PTPRZ1: variants seen among roughly 807,000 people sequenced by gnomAD.
PTPRZ1 encodes protein tyrosine phosphatase receptor type Z1, also known as receptor-type tyrosine-protein phosphatase zeta.
PTPRZ1 carries 82 observed loss-of-function variants against 214.1 expected under a neutral mutation model. The observed-to-expected ratio is 0.38, with a 90% CI of 0.32 to 0.46. The LOEUF is 0.46. PTPRZ1 is among the 20% of genes least tolerant of loss of function. The pLI is 1.00. For missense variants in PTPRZ1, 2,603 were observed against 2,748.7 expected, an observed-to-expected ratio of 0.95 and a Z score of 1.19; for synonymous variants, 945 against 987.9, an observed-to-expected ratio of 0.96 and a Z score of 0.81.
At chr7:121,923,840 A>G (rs1795673869) in intron 1 of PTPRZ1, among the ~76,000 whole-genome samples, 1 of 151,928 alleles carries the variant, frequency 6.6e-6, no homozygotes, top group Admixed American at 6.6e-5. Flanking sequence ...AAATAAATAT[A>G]TGTATTTTTA....
chr7:122,042,869 G>A, intron 22 of PTPRZ1, 126 bp downstream of exon 22: 1 of 1,001,900 alleles, frequency 1.0e-6, no homozygotes, highest in Non-Finnish European at 1.5e-6. Context: ...AACAACAGAA[G>A]TTTATTGTCT....
intron 6 of PTPRZ1, among the ~76,000 whole-genome samples, chr7:121,977,469 T>C (rs148560688): frequency 8.5e-4 from 130 of 152,346 alleles, no homozygotes; most frequent in Non-Finnish European, 1.7e-3. Context: ...TACTATTTTA[T>C]TTTTATTAAG....
Position 122,013,669 on chromosome 7 carries a change from A to G in PTPRZ1, c.4623A>G (p.Ala1541=). 1 of 1,614,232 alleles carries G rather than the reference A, an allele frequency of 6.2e-7. No individual in the cohort carries two copies. Among genetic ancestry groups the G allele is most frequent in the Non-Finnish European group, 8.5e-7 (1 of 1,180,032 alleles). ...TCAGCCCTGAATCTAAAGCATGGGCAGTTCTGACAAGTGATGAAGAAAGTG... is the reference window on the plus strand; with the variant it reads ...TCAGCCCTGAATCTAAAGCATGGGCGGTTCTGACAAGTGATGAAGAAAGTG... ...LPLSPESKAW[A]VLTSDEESGS... The change falls in exon 12 of 30, where the codon GCA becomes GCG. Residue 1541 remains alanine, a synonymous_variant. Coordinates refer to ENST00000393386, the MANE Select transcript of PTPRZ1 (RefSeq NM_002851.3).
chr7:121,974,145 A>G (rs1012533089), intron 4 of PTPRZ1, among the ~76,000 whole-genome samples: 23 of 152,058 alleles, frequency 1.5e-4, no homozygotes, highest in Admixed American at 9.2e-4. Context: ...TACCTCTTAA[A>G]AGACTAAAAA....
intron 27 of PTPRZ1, among the ~76,000 whole-genome samples, chr7:122,056,997 A>C (rs1792371176): frequency 6.6e-6 from 1 of 151,964 alleles, no homozygotes; most frequent in African/African-American, 2.4e-5. Context: ...ATTCCAGATA[A>C]TACATATCCT....
At chr7:121,973,238 A>G (rs1797311123) in intron 4 of PTPRZ1, among the ~76,000 whole-genome samples, 1 of 152,110 alleles carries the variant, frequency 6.6e-6, no homozygotes, top group South Asian at 2.1e-4. Context: ...TTAAAATATA[A>G]TATTGAACCA....
chr7:122,054,618 A>G (rs903398826), intron 26 of PTPRZ1, among the ~76,000 whole-genome samples: 3 of 152,096 alleles, frequency 2.0e-5, no homozygotes, highest in Admixed American at 2.0e-4. Flanking sequence ...TGACCATTAC[A>G]CATGAGGCTG....
At chr7:121,971,894 A>T (rs1332837875) in intron 3 of PTPRZ1, among the ~76,000 whole-genome samples, 1 of 152,202 alleles carries the variant, frequency 6.6e-6, no homozygotes, top group Non-Finnish European at 1.5e-5. Flanking sequence ...AGAGCTCTCC[A>T]GAAGACTGTT....
chr7:121,896,925 C>T (rs1255927428), intron 1 of PTPRZ1, among the ~76,000 whole-genome samples: 2 of 152,008 alleles, frequency 1.3e-5, no homozygotes, highest in Non-Finnish European at 2.9e-5. Context: ...TTCATTGCTC[C>T]GTGCTTATGG....
intron 1 of PTPRZ1, among the ~76,000 whole-genome samples, chr7:121,923,501 C>T (rs769924894): frequency 3.9e-5 from 6 of 152,078 alleles, no homozygotes; most frequent in South Asian, 2.1e-4. Context: ...ATGGCAATAA[C>T]GTGTGTATGT....
intron 10 of PTPRZ1, among the ~76,000 whole-genome samples, chr7:122,001,885 C>T (rs1584730129): frequency 6.6e-6 from 1 of 152,130 alleles, no homozygotes; most frequent in Admixed American, 6.6e-5. Context: ...TTTTTTCTAG[C>T]CTTTATGGAG....
chr7:122,039,004 C>G (rs1158474587), intron 19 of PTPRZ1, 115 bp downstream of exon 19: 1 of 1,130,282 alleles, frequency 8.8e-7, no homozygotes, highest in African/African-American at 1.6e-5. Context: ...ATTTGGGATT[C>G]TTTTTTAGTA....
chr7:121,907,132 A>G (rs534835305), intron 1 of PTPRZ1, among the ~76,000 whole-genome samples: 2,054 of 93,014 alleles, frequency 0.022, 42 homozygotes, highest in African/African-American at 0.14. Flanking sequence ...TGACTAATGC[A>G]TGATAAAAAG....
chr7:121,971,990 A>G (rs957808389), intron 3 of PTPRZ1, among the ~76,000 whole-genome samples: 1 of 152,140 alleles, frequency 6.6e-6, no homozygotes, highest in African/African-American at 2.4e-5. Context: ...TGAGATGGCC[A>G]AAACTCCTCC....
intron 23 of PTPRZ1, among the ~76,000 whole-genome samples, chr7:122,045,045 C>G (rs1017906268): frequency 1.3e-5 from 2 of 152,116 alleles, no homozygotes; most frequent in Non-Finnish European, 1.5e-5. Context: ...GTTTCTCCCC[C>G]TCACCCTGTC....
chr7:121,991,632 T>C (rs1797965016), intron 8 of PTPRZ1, among the ~76,000 whole-genome samples: 1 of 152,210 alleles, frequency 6.6e-6, no homozygotes, highest in African/African-American at 2.4e-5. Flanking sequence ...GTACTGCACC[T>C]ATGTTTTAAA....
chr7:121,965,946 C>A (rs1797035547), intron 2 of PTPRZ1, among the ~76,000 whole-genome samples: 1 of 152,140 alleles, frequency 6.6e-6, no homozygotes, highest in African/African-American at 2.4e-5. Context: ...TCCCAACAAA[C>A]TCCTAGGTGA....
chr7:121,926,822 AT>A (rs1326167764), intron 1 of PTPRZ1, among the ~76,000 whole-genome samples: 20 of 152,218 alleles, frequency 1.3e-4, no homozygotes, highest in Non-Finnish European at 2.1e-4. Flanking sequence ...TAATAAAACT[AT>A]TGTAAAATAT....
intron 20 of PTPRZ1, among the ~76,000 whole-genome samples, chr7:122,040,007 G>A (rs1199518171): frequency 6.6e-6 from 1 of 151,242 alleles, no homozygotes; most frequent in Non-Finnish European, 1.5e-5. Context: ...AAAAAAAAAA[G>A]AATTCTTATC....
Sources: gnomAD v4.1 joint callset for allele counts (sites outside exome capture counted in the v4.1 genomes callset) on GRCh38, gnomAD v4.1.1 for gene constraint, MANE v1.5 for transcripts, NCBI Gene and HGNC (gene_info 2026-07-23, HGNC 2026-07-21) for gene names.